Variants in MECOM observed in about 807,000 individuals in gnomAD.
The protein encoded by MECOM is histone-lysine N-methyltransferase MECOM.
MECOM carries 13 observed loss-of-function variants against 116.3 expected under a neutral mutation model. That is an observed-to-expected ratio of 0.11 (90% CI 0.07 to 0.18). The LOEUF is 0.18. Among genes scored for constraint, MECOM ranks in the 10% least tolerant of loss-of-function variants. MECOM has a pLI of 1.00. For missense variants in MECOM, 1,299 were observed against 1,509.0 expected, an observed-to-expected ratio of 0.86 and a Z score of 2.31; for synonymous variants, 528 against 535.2, an observed-to-expected ratio of 0.99 and a Z score of 0.19.
intron 9 of MECOM, 123 bp from the exon 10 acceptor site, chr3:169,108,075 A>G: frequency 1.5e-6 from 1 of 666,544 alleles, no homozygotes; most frequent in Non-Finnish European, 2.6e-6. Flanking sequence ...ATGTAACTGT[A>G]CCTTGAGTAA....
chr3:169,165,817 C>T lies in MECOM; in HGVS notation c.376-21985G>A, dbSNP rs114273856. On this transcript the variant is annotated intron_variant, in intron 2 of 16. Coordinates refer to ENST00000651503, the MANE Select transcript of MECOM (RefSeq NM_004991.4). ...TTAAATTATAACTGCTGATTTGCAC[C>T]CAAGGAAAGAATCATGTTAAAATAT... is the stretch of plus-strand genomic sequence containing the variant. Among the ~76,000 whole-genome samples the T allele has an allele frequency of 3.0e-3, 461 of 151,968 alleles. 4 individuals carry two copies. Among genetic ancestry groups the T allele is most frequent in the African/African-American group, 6.8e-3 (280 of 41,426 alleles).
chr3:169,374,669 C>T (rs756233028), intron 2 of MECOM, among the ~76,000 whole-genome samples: 27 of 151,972 alleles, frequency 1.8e-4, no homozygotes, highest in Admixed American at 1.3e-3. Flanking sequence ...CATAAGATAA[C>T]CCTCATCTTT....
intron 2 of MECOM, among the ~76,000 whole-genome samples, chr3:169,240,223 A>G (rs1034032831): frequency 2.6e-5 from 4 of 152,300 alleles, no homozygotes; most frequent in South Asian, 4.1e-4. Flanking sequence ...ATACAGCACC[A>G]TTGCTTTGCC....
intron 2 of MECOM, among the ~76,000 whole-genome samples, chr3:169,302,256 T>C (rs1716875351): frequency 1.3e-5 from 2 of 152,072 alleles, no homozygotes; most frequent in African/African-American, 4.8e-5. Context: ...TCTTAGACAA[T>C]AGAAGAGAAT....
chr3:169,085,288 C>A, intron 16 of MECOM, among the ~76,000 whole-genome samples: 1 of 152,160 alleles, frequency 6.6e-6, no homozygotes, highest in Non-Finnish European at 1.5e-5. Context: ...ACCTAAAATG[C>A]AAATAGTGCT....
chr3:169,347,991 A>G (rs1043714235), intron 2 of MECOM, among the ~76,000 whole-genome samples: 4 of 152,022 alleles, frequency 2.6e-5, no homozygotes, highest in African/African-American at 9.7e-5. Flanking sequence ...GGATGACAAG[A>G]CCATTCTAAC....
chr3:169,307,785 T>C (rs1467874596), intron 2 of MECOM, among the ~76,000 whole-genome samples: 1 of 152,148 alleles, frequency 6.6e-6, no homozygotes, highest in Non-Finnish European at 1.5e-5. Context: ...CCCACTCCTA[T>C]AGGGAACCAC....
At chr3:169,635,288 A>G (rs936910351) in intron 1 of MECOM, among the ~76,000 whole-genome samples, 4 of 152,378 alleles carry the variant, frequency 2.6e-5, no homozygotes, top group African/African-American at 4.8e-5. Context: ...AGAGCTTAGA[A>G]CAGTGCCTAT....
At chr3:169,309,638 T>C (rs954417278) in intron 2 of MECOM, among the ~76,000 whole-genome samples, 14 of 152,232 alleles carry the variant, frequency 9.2e-5, no homozygotes, top group Non-Finnish European at 1.5e-5. Flanking sequence ...GAATAGGCTT[T>C]ATTTCCATAT....
chr3:169,197,958 C>T (rs76812790), intron 2 of MECOM, among the ~76,000 whole-genome samples: 233 of 152,086 alleles, frequency 1.5e-3, no homozygotes, highest in African/African-American at 5.3e-3. Context: ...TGGTAAAGAA[C>T]ATCTCCGTGT....
At chr3:169,265,893 A>G (rs1758232983) in intron 2 of MECOM, among the ~76,000 whole-genome samples, 1 of 151,766 alleles carries the variant, frequency 6.6e-6, no homozygotes. Context: ...GTACTGTGCT[A>G]TTAAGCCATT....
intron 6 of MECOM, among the ~76,000 whole-genome samples, chr3:169,122,131 G>A (rs1731236970): frequency 6.6e-6 from 1 of 152,154 alleles, no homozygotes; most frequent in African/African-American, 2.4e-5. Context: ...AATTTATGGT[G>A]AGCCCTTGGT....
chr3:169,091,717 T>A (rs971340735), intron 14 of MECOM, among the ~76,000 whole-genome samples: 13 of 152,244 alleles, frequency 8.5e-5, no homozygotes, highest in South Asian at 8.3e-4. Context: ...TCTCAGAGAC[T>A]GGAAGGGTCT....
At position 169,644,236 on chromosome 3, in the gene MECOM, GTTTATTTA is replaced by G. The variant is rs10522068; in HGVS notation, c.37+19092_37+19099del. 3.4e-3 allele frequency among the ~76,000 whole-genome samples: 498 copies of G among 148,150 alleles called. 2 individuals are homozygous for G. The highest frequency in any genetic ancestry group is 1.0e-2 in the African/African-American group (396 of 39,638). On this transcript the variant is annotated intron_variant, in intron 1 of 16. Transcript: ENST00000651503. Reference sequence around the variant, plus strand: ...TCCTCGCATTTTATTTTATTTATTTGTTTATTTATTTATTTATTTATTTATTTATTTAT... The same window carrying G: ...TCCTCGCATTTTATTTTATTTATTTGTTTATTTATTTATTTATTTATTTAT...
chr3:169,232,220 G>A (rs748307951), intron 2 of MECOM, among the ~76,000 whole-genome samples: 17 of 152,056 alleles, frequency 1.1e-4, no homozygotes, highest in Admixed American at 2.0e-4. Flanking sequence ...CTAAACTCTG[G>A]TGGGCTTTCT....
At chr3:169,513,602 A>G (rs1756249967) in intron 1 of MECOM, among the ~76,000 whole-genome samples, 1 of 152,226 alleles carries the variant, frequency 6.6e-6, no homozygotes, top group Non-Finnish European at 1.5e-5. Context: ...TGCAGCGGGT[A>G]GAGGTAGAGG....
At chr3:169,230,460 G>A (rs1273713380) in intron 2 of MECOM, among the ~76,000 whole-genome samples, 1 of 152,128 alleles carries the variant, frequency 6.6e-6, no homozygotes, top group Non-Finnish European at 1.5e-5. Context: ...ATGGAAGTTT[G>A]AATGTATCTC....
chr3:169,228,054 C>T (rs1384668666), intron 2 of MECOM, among the ~76,000 whole-genome samples: 1 of 152,184 alleles, frequency 6.6e-6, no homozygotes, highest in Non-Finnish European at 1.5e-5. Context: ...CCTGTGCTCT[C>T]ATCACAACAG....
At chr3:169,496,842 G>A (rs1374576205) in intron 1 of MECOM, among the ~76,000 whole-genome samples, 8 of 152,196 alleles carry the variant, frequency 5.3e-5, no homozygotes, top group East Asian at 1.9e-4. Flanking sequence ...CTAAACATAT[G>A]GTAATGAACA....
Sources: allele counts gnomAD v4.1 joint callset (sites outside exome capture counted in the v4.1 genomes callset), GRCh38; gene constraint gnomAD v4.1.1; transcripts MANE v1.5; gene names NCBI Gene and HGNC (gene_info 2026-07-23, HGNC 2026-07-21).